The following TP53BP2 variants were observed in gnomAD, a reference collection of about 807,000 sequenced individuals.
The protein encoded by TP53BP2 is tumor protein p53 binding protein 2, also known as apoptosis-stimulating of p53 protein 2.
Under a neutral mutation model 126.2 loss-of-function variants are expected in TP53BP2, and 62 were observed. The observed-to-expected ratio is 0.49, with a 90% CI of 0.40 to 0.61. The LOEUF is 0.61. TP53BP2 is among the 20% of genes least tolerant of loss of function. The probability of loss-of-function intolerance (pLI) is 0.00; values close to 1 mark genes in which losing one functional copy is unlikely to be tolerated. For missense variants in TP53BP2, 1,215 were observed against 1,402.8 expected (o/e 0.87, Z 2.14); for synonymous variants, 485 against 502.9 (o/e 0.96, Z 0.48).
At chr1:223,822,495 G>A (rs1348486186) in intron 1 of TP53BP2, among the ~76,000 whole-genome samples, 1 of 151,908 alleles carries the variant, frequency 6.6e-6, no homozygotes. Flanking sequence ...GCAACACTCC[G>A]TTTCTACCAA....
chr1:223,796,103 T>C lies in TP53BP2; in HGVS notation c.2436A>G (p.Glu812=). ...PEKEVVSLVP[E]SLSPEDVGNA... ...TCCCCACATCCTCTGGGGACAATGA[T>C]TCAGGAACCAGAGAGACCACCTCCT... The change falls in exon 13 of 18, where the codon GAA becomes GAG. Residue 812 remains glutamate, a synonymous_variant. Transcript: ENST00000343537. This position sits in a 1 kb window ranked among gnomAD's most constrained non-coding sequence, Gnocchi z 4.2. The C allele has an allele frequency of 1.9e-6, 3 of 1,614,204 alleles. No individual in the cohort carries two copies. The highest frequency in any genetic ancestry group is 8.5e-7 in the Non-Finnish European group (1 of 1,180,034).
At chr1:223,814,742 A>G (rs1440914729) in intron 2 of TP53BP2, among the ~76,000 whole-genome samples, 1 of 152,136 alleles carries the variant, frequency 6.6e-6, no homozygotes, top group African/African-American at 2.4e-5. Flanking sequence ...TACAAAGAAA[A>G]TATTAAAAAG....
intron 17 of TP53BP2, among the ~76,000 whole-genome samples, chr1:223,782,381 A>C (rs764793396): frequency 2.0e-5 from 3 of 152,268 alleles, no homozygotes; most frequent in Admixed American, 6.5e-5. Flanking sequence ...TTATCAGAGA[A>C]GGAAAGTGGC....
In TP53BP2 at chr1:223,806,861, T is replaced by C. The variant is rs1662737962; in HGVS notation, c.459A>G (p.Gln153=). Residue 153 remains glutamine, a synonymous_variant, in exon 5 of 18, where the codon CAA becomes CAG. Transcript: ENST00000343537. ...ACGATACTACCTTAGTTGCCAGCAATTGTTGCTGGGCTTCAATCTGTTGCT... is the reference window on the plus strand; with the variant it reads ...ACGATACTACCTTAGTTGCCAGCAACTGTTGCTGGGCTTCAATCTGTTGCT... ...RQQQQIEAQQ[Q]LLATKEQRLK... 4.3e-6 allele frequency: 7 copies of C among 1,613,588 alleles called. No homozygotes were observed. Among genetic ancestry groups the C allele is most frequent in the Non-Finnish European group, 5.9e-6 (7 of 1,179,714 alleles).
chr1:223,792,552 C>G (rs1662187713), intron 14 of TP53BP2, 30 bp from the exon 15 acceptor site: 5 of 1,610,256 alleles, frequency 3.1e-6, no homozygotes, highest in Non-Finnish European at 4.2e-6. Context: ...GAGCATCACT[C>G]TAGTTTCTTG....
rs145431632 is a variant in TP53BP2 at position 223,796,553 on chromosome 1, T to C, written c.1986A>G (p.Gln662=). 2.5e-6 allele frequency: 4 copies of C among 1,613,144 alleles called. No individual in the cohort carries two copies. Among genetic ancestry groups the C allele is most frequent in the Admixed American group, 1.7e-5 (1 of 59,936 alleles). The change falls in exon 13 of 18, where the codon CAA becomes CAG. Residue 662 remains glutamine, a synonymous_variant. Coordinates refer to ENST00000343537, the MANE Select transcript of TP53BP2 (RefSeq NM_001031685.3). The surrounding 1 kb of genome is among the most constrained non-coding windows in gnomAD (Gnocchi z 4.2). ...GKPVIAAAQN[Q]QQHPENIYSN... The stretch of plus-strand genomic sequence containing the variant: ...AATAAATGTTCTCTGGGTGCTGCTG[T>C]TGATTCTGGGCAGCAGCAATTACAG...
intron 1 of TP53BP2, 48 bp from the exon 2 acceptor site, chr1:223,821,415 T>A (rs1009132081): frequency 6.2e-7 from 1 of 1,610,606 alleles, no homozygotes; most frequent in South Asian, 1.1e-5. Flanking sequence ...GTCTGCCTAA[T>A]GTGGTATTCA....
At chr1:223,819,851 G>C (rs1312554745) in intron 2 of TP53BP2, among the ~76,000 whole-genome samples, 2 of 152,106 alleles carry the variant, frequency 1.3e-5, no homozygotes, top group Admixed American at 1.3e-4. Flanking sequence ...TAGGTACAAG[G>C]CACTCCCCTT....
chr1:223,839,270 T>C (rs930536357), intron 1 of TP53BP2, among the ~76,000 whole-genome samples: 2 of 152,182 alleles, frequency 1.3e-5, no homozygotes, highest in African/African-American at 4.8e-5. Context: ...AAATTCCTTA[T>C]CTGTTGAATG....
Position 223,780,588 on chromosome 1 carries a change from C to T in TP53BP2, c.*265G>A, listed in dbSNP as rs993246473. On this transcript the variant is annotated 3_prime_UTR_variant, in exon 18 of 18. Coordinates refer to ENST00000343537, the MANE Select transcript of TP53BP2 (RefSeq NM_001031685.3). ...GGATTCTTGTAGAAAACAGGATTGT[C>T]GCTGTATACTTATCTGAGTGCTACA... 1.3e-5 allele frequency: 5 copies of T among 388,620 alleles called. No individual in the cohort carries two copies. Among genetic ancestry groups the T allele is most frequent in the Admixed American group, 1.3e-4 (3 of 23,540 alleles). The allele number at this position is 388,620 out of a possible 1,614,324, so 24.1% of individuals were successfully genotyped here.
At chr1:223,812,894 C>T (rs1376927563) in intron 3 of TP53BP2, among the ~76,000 whole-genome samples, 4 of 151,992 alleles carry the variant, frequency 2.6e-5, no homozygotes, top group African/African-American at 7.2e-5. Flanking sequence ...GACAGAGTTT[C>T]GTCATGTTGG....
rs186485366 is a variant in TP53BP2, at chr1:223,797,845, T to C, written c.1948+370A>G. Among the ~76,000 whole-genome samples the C allele has an allele frequency of 1.2e-4, 18 of 151,368 alleles. No homozygotes were observed. In the East Asian group the frequency reaches 2.3e-3, roughly 19 times the overall value. On this transcript the variant is annotated intron_variant, in intron 12 of 17. Coordinates refer to ENST00000343537, the MANE Select transcript of TP53BP2 (RefSeq NM_001031685.3). ...GTATATATGTCTCTCTATATGTATA[T>C]ACACACACACACACAGACAGGGGCA...
At chr1:223,831,033 G>C (rs895183746) in intron 1 of TP53BP2, among the ~76,000 whole-genome samples, 2 of 151,998 alleles carry the variant, frequency 1.3e-5, no homozygotes, top group Non-Finnish European at 2.9e-5. Flanking sequence ...GGGAGGCGGA[G>C]CTTGCAGTGA....
At chr1:223,782,278 C>T (rs1423460783) in intron 17 of TP53BP2, among the ~76,000 whole-genome samples, 1 of 152,198 alleles carries the variant, frequency 6.6e-6, no homozygotes, top group East Asian at 1.9e-4. Context: ...AAAGAAAATA[C>T]AAGACTCAAG....
At position 223,789,193 on chromosome 1, in the gene TP53BP2, G is replaced by A. The variant is rs761036271; in HGVS notation, c.2997-19C>T. On this transcript the variant is annotated intron_variant, in intron 15 of 17. Transcript: ENST00000343537. ...TGGAGTCCTGTGAAGCAAGATACGA[G>A]GGCTAGAACTGTTTTCCTAAACTGA... is the stretch of plus-strand genomic sequence containing the variant. The A allele has an allele frequency of 4.7e-5, 75 of 1,612,228 alleles. No homozygotes were observed. Among genetic ancestry groups the A allele is most frequent in the Non-Finnish European group, 6.2e-5 (73 of 1,178,814 alleles).
intron 1 of TP53BP2, among the ~76,000 whole-genome samples, chr1:223,837,515 G>C (rs1011209711): frequency 6.6e-6 from 1 of 151,974 alleles, no homozygotes; most frequent in Non-Finnish European, 1.5e-5. Context: ...CTCACCCCTG[G>C]GGCTTCTGAG....
intron 1 of TP53BP2, among the ~76,000 whole-genome samples, chr1:223,844,388 G>C (rs1013672355): frequency 6.6e-6 from 1 of 152,158 alleles, no homozygotes; most frequent in Non-Finnish European, 1.5e-5. Context: ...CTACTGTTAG[G>C]AAAAATTCAC....
chr1:223,813,237 A>G (rs1436974943), intron 3 of TP53BP2, among the ~76,000 whole-genome samples: 1 of 152,008 alleles, frequency 6.6e-6, no homozygotes, highest in African/African-American at 2.4e-5. Context: ...TCTGGATGAC[A>G]TTACCGCCCA....
At chr1:223,782,618 G>A (rs1435338304) in intron 17 of TP53BP2, among the ~76,000 whole-genome samples, 1 of 152,068 alleles carries the variant, frequency 6.6e-6, no homozygotes, top group Admixed American at 6.5e-5. Context: ...GAGTAGCTGG[G>A]ATTATAGTAT....
Sources: gnomAD v4.1 joint callset for allele counts (sites outside exome capture counted in the v4.1 genomes callset) on GRCh38, gnomAD v4.1.1 for gene constraint, Gnocchi (gnomAD v3.1) non-coding constraint, MANE v1.5 for transcripts, NCBI Gene and HGNC (gene_info 2026-07-23, HGNC 2026-07-21) for gene names.